Variants in PLCL2 observed in about 807,000 individuals in gnomAD.
The protein encoded by PLCL2 is phospholipase C like 2.
In PLCL2, 4 loss-of-function variants were observed where a neutral mutation model predicts 79.6. The observed-to-expected ratio is 0.05, with a 90% CI of 0.02 to 0.11. PLCL2 has a LOEUF of 0.11. Ranked by LOEUF, PLCL2 falls within the 10% of genes least tolerant of loss-of-function variation. PLCL2 has a pLI of 1.00. For missense variants in PLCL2, 895 were observed against 1,291.0 expected, an observed-to-expected ratio of 0.69 and a Z score of 4.70; for synonymous variants, 484 against 457.7, an observed-to-expected ratio of 1.06 and a Z score of -0.73.
At chr3:17,073,952 A>C (rs773218145) in intron 5 of PLCL2, among the ~76,000 whole-genome samples, 1 of 152,172 alleles carries the variant, frequency 6.6e-6, no homozygotes, top group African/African-American at 2.4e-5. Context: ...GCTGGGATCA[A>C]CTTCCTCCAA....
In PLCL2 at chr3:17,029,347, A is replaced by AAAAG. The variant is rs1161653689; in HGVS notation, c.3019-13511_3019-13508dup. ...CTTAAAGATTCGTATGCCCTTAAAA[A>AAAAG]AAAGAAAGAAAGAAAGAAAAAAAAA... On this transcript the variant is annotated intron_variant, in intron 3 of 5. Coordinates refer to ENST00000615277, the MANE Select transcript of PLCL2 (RefSeq NM_001144382.2). Among the ~76,000 whole-genome samples, 12 of 151,858 alleles carry AAAAG rather than the reference A, an allele frequency of 7.9e-5. 1 individual carries two copies. Among genetic ancestry groups the AAAAG allele is most frequent in the Non-Finnish European group, 5.9e-5 (4 of 67,974 alleles).
At chr3:17,002,286 T>C (rs2064219296) in intron 1 of PLCL2, among the ~76,000 whole-genome samples, 1 of 152,156 alleles carries the variant, frequency 6.6e-6, no homozygotes, top group African/African-American at 2.4e-5. Context: ...TTTTTTTAAA[T>C]ATAAGATCAT....
At chr3:17,020,486 T>C (rs1226208343) in intron 3 of PLCL2, among the ~76,000 whole-genome samples, 3 of 152,214 alleles carry the variant, frequency 2.0e-5, no homozygotes, top group African/African-American at 7.2e-5. Flanking sequence ...AGATTATACG[T>C]GAATTCATTC....
chr3:17,002,987 A>G (rs1302085138), intron 1 of PLCL2, among the ~76,000 whole-genome samples: 5 of 151,820 alleles, frequency 3.3e-5, no homozygotes, highest in Non-Finnish European at 7.4e-5. Context: ...GAAATATACC[A>G]TCTGATCATG....
At chr3:17,016,935 G>A (rs2064391714) in intron 3 of PLCL2, among the ~76,000 whole-genome samples, 1 of 152,156 alleles carries the variant, frequency 6.6e-6, no homozygotes, top group African/African-American at 2.4e-5. Flanking sequence ...CTTCTTGAGG[G>A]TGGGGTGGTA....
intron 1 of PLCL2, among the ~76,000 whole-genome samples, chr3:16,993,926 A>AGCTAGGTTC (rs1452318365): frequency 6.6e-6 from 1 of 152,142 alleles, no homozygotes; most frequent in Non-Finnish European, 1.5e-5. Flanking sequence ...TTAAAACATG[A>AGCTAGGTTC]GCTAGGTTCA....
At chr3:16,978,486 GGA>G (rs2063948520) in intron 1 of PLCL2, among the ~76,000 whole-genome samples, 1 of 152,230 alleles carries the variant, frequency 6.6e-6, no homozygotes, top group Admixed American at 6.5e-5. Context: ...TGAGATGAGA[GGA>G]GAGAAAGAGA....
intron 1 of PLCL2, among the ~76,000 whole-genome samples, chr3:16,978,100 C>G (rs1034453418): frequency 1.3e-5 from 2 of 152,148 alleles, no homozygotes; most frequent in Non-Finnish European, 2.9e-5. Context: ...CATAGCAATA[C>G]GTAAGTTAGG....
At chr3:17,062,894 A>G (rs1292380763) in intron 4 of PLCL2, among the ~76,000 whole-genome samples, 1 of 152,004 alleles carries the variant, frequency 6.6e-6, no homozygotes, top group Non-Finnish European at 1.5e-5. Flanking sequence ...CACTATCCCT[A>G]AGCAGCGGCG....
chr3:17,013,833 T>G (rs1439159841), intron 2 of PLCL2, among the ~76,000 whole-genome samples: 1 of 152,194 alleles, frequency 6.6e-6, no homozygotes, highest in Non-Finnish European at 1.5e-5. Flanking sequence ...AGCATGGGCC[T>G]TAACATCAGC....
chr3:17,074,099 G>A (rs1387875856), intron 5 of PLCL2, among the ~76,000 whole-genome samples: 1 of 152,172 alleles, frequency 6.6e-6, no homozygotes, highest in East Asian at 1.9e-4. Context: ...TTCATCAGAG[G>A]AATCACTATC....
chr3:17,034,558 A>G (rs1263467408), intron 3 of PLCL2, among the ~76,000 whole-genome samples: 1 of 152,194 alleles, frequency 6.6e-6, no homozygotes, highest in Non-Finnish European at 1.5e-5. Flanking sequence ...CACTATGACT[A>G]CTGTCACGAA....
chr3:17,051,440 AT>A (rs1403877959), intron 4 of PLCL2, among the ~76,000 whole-genome samples: 1 of 152,188 alleles, frequency 6.6e-6, no homozygotes, highest in African/African-American at 2.4e-5. Flanking sequence ...CTATGCACCT[AT>A]AAAAATTTAA....
rs578055441 is a variant in PLCL2 at position 17,050,898 on chromosome 3, GC to G, written c.3094+7950del. 1.2e-4 allele frequency among the ~76,000 whole-genome samples: 18 copies of G among 152,272 alleles called. No homozygotes were observed. The East Asian group carries it at 3.5e-3, about 29-fold the overall frequency. On this transcript the variant is annotated intron_variant, in intron 4 of 5. Coordinates refer to ENST00000615277, the MANE Select transcript of PLCL2 (RefSeq NM_001144382.2). ...TAGCCAAGATGTGGAAGCAACCTAA[GC>G]ATCTACCAACAGTTGAATGGATATT...
intron 1 of PLCL2, among the ~76,000 whole-genome samples, chr3:16,973,757 G>T (rs12489706): frequency 0.17 from 25,376 of 152,034 alleles, 2,645 homozygotes; most frequent in Non-Finnish European, 0.24. Context: ...ATTTAGGTTT[G>T]TCAGTTTTCA....
chr3:16,921,112 G>C (rs898869999), intron 1 of PLCL2, among the ~76,000 whole-genome samples: 3 of 152,146 alleles, frequency 2.0e-5, no homozygotes, highest in Admixed American at 2.0e-4. Flanking sequence ...GTTTTCCTAA[G>C]GGCATGGAGC....
chr3:17,064,028 C>A (rs939632061), intron 4 of PLCL2, among the ~76,000 whole-genome samples: 2 of 152,178 alleles, frequency 1.3e-5, no homozygotes, highest in African/African-American at 2.4e-5. Flanking sequence ...AGAAGAGATG[C>A]TACTCTTCAG....
chr3:16,943,679 C>T (rs1263952811), intron 1 of PLCL2, among the ~76,000 whole-genome samples: 3 of 152,116 alleles, frequency 2.0e-5, no homozygotes, highest in Non-Finnish European at 4.4e-5. Flanking sequence ...ATGTTATTAT[C>T]TGCTTAAAAA....
chr3:16,963,233 C>T (rs1430541759), intron 1 of PLCL2, among the ~76,000 whole-genome samples: 1 of 152,016 alleles, frequency 6.6e-6, no homozygotes, highest in Non-Finnish European at 1.5e-5. Context: ...AAGATTTCTA[C>T]TTGTCTTCAG....
Sources: gnomAD v4.1 joint callset for allele counts (sites outside exome capture counted in the v4.1 genomes callset) on GRCh38, gnomAD v4.1.1 for gene constraint, MANE v1.5 for transcripts, NCBI Gene and HGNC (gene_info 2026-07-23, HGNC 2026-07-21) for gene names.